The following LRRC4C variants were observed in gnomAD, a reference collection of about 807,000 sequenced individuals.
LRRC4C encodes leucine rich repeat containing 4C, also known as leucine-rich repeat-containing protein 4C.
A neutral mutation model predicts 33.6 loss-of-function variants in LRRC4C; 5 were observed. The observed-to-expected ratio is 0.15, with a 90% CI of 0.08 to 0.31. The LOEUF is 0.31. LRRC4C is among the 10% of genes least tolerant of loss of function. LRRC4C has a pLI of 1.00. For missense variants in LRRC4C, 560 were observed against 796.7 expected (o/e 0.70, Z 3.58); for synonymous variants, 329 against 302.0 (o/e 1.09, Z -0.93).
At chr11:40,880,239 G>T (rs1955101148) in intron 2 of LRRC4C, among the ~76,000 whole-genome samples, 1 of 152,042 alleles carries the variant, frequency 6.6e-6, no homozygotes, top group Non-Finnish European at 1.5e-5. Flanking sequence ...GTACCAATAA[G>T]CTGAGTCCAG....
At chr11:40,551,056 C>T (rs1264077062) in intron 3 of LRRC4C, among the ~76,000 whole-genome samples, 1 of 152,086 alleles carries the variant, frequency 6.6e-6, no homozygotes, top group African/African-American at 2.4e-5. Flanking sequence ...CACCTCTTCC[C>T]AGTCAGGTTT....
chr11:40,319,145 C>G (rs1351999823), intron 4 of LRRC4C, among the ~76,000 whole-genome samples: 1 of 152,168 alleles, frequency 6.6e-6, no homozygotes, highest in South Asian at 2.1e-4. Context: ...ATGAAGGAAA[C>G]TCCATTATAG....
chr11:41,405,013 A>G (rs1591444274), intron 1 of LRRC4C, among the ~76,000 whole-genome samples: 2 of 152,124 alleles, frequency 1.3e-5, no homozygotes, highest in South Asian at 2.1e-4. Flanking sequence ...CAGTGTCTTA[A>G]TATCTCTATC....
intron 1 of LRRC4C, among the ~76,000 whole-genome samples, chr11:41,261,705 A>G (rs1485049669): frequency 6.6e-6 from 1 of 152,156 alleles, no homozygotes; most frequent in Non-Finnish European, 1.5e-5. Context: ...GAGATTAGAC[A>G]TCTTGTCTGA....
intron 2 of LRRC4C, among the ~76,000 whole-genome samples, chr11:40,880,314 T>C (rs1959192750): frequency 6.6e-6 from 1 of 152,056 alleles, no homozygotes; most frequent in Non-Finnish European, 1.5e-5. Flanking sequence ...CCCCGGTAAA[T>C]AATAAAATGA....
At chr11:41,109,242 G>C (rs578813) in intron 1 of LRRC4C, among the ~76,000 whole-genome samples, 19,687 of 151,952 alleles carry the variant, frequency 0.13, 1,663 homozygotes, top group African/African-American at 0.23. Context: ...TGTTAGGAAA[G>C]GTGAGATTGA....
At chr11:40,329,589 AT>A (rs1946256779) in intron 3 of LRRC4C, among the ~76,000 whole-genome samples, 1 of 152,174 alleles carries the variant, frequency 6.6e-6, no homozygotes, top group South Asian at 2.1e-4. Context: ...AGGAAATGTA[AT>A]TTCAGCTCAA....
intron 3 of LRRC4C, among the ~76,000 whole-genome samples, chr11:40,376,143 T>A (rs1451314903): frequency 6.6e-6 from 1 of 152,192 alleles, no homozygotes; most frequent in Non-Finnish European, 1.5e-5. Context: ...TAGCTTTTCA[T>A]ATCCATGTTC....
At chr11:41,054,798 A>AAAGCAGATATGAGAAAT (rs1305423016) in intron 1 of LRRC4C, among the ~76,000 whole-genome samples, 1 of 152,198 alleles carries the variant, frequency 6.6e-6, no homozygotes, top group Non-Finnish European at 1.5e-5. Flanking sequence ...GTCCAGAAGA[A>AAAGCAGATATGAGAAAT]AAGCAGATAT....
chr11:40,634,209 T>C (rs1372078562), intron 3 of LRRC4C, among the ~76,000 whole-genome samples: 1 of 152,220 alleles, frequency 6.6e-6, no homozygotes, highest in African/African-American at 2.4e-5. Flanking sequence ...AAGTGGTTCT[T>C]TCAATAATGA....
intron 1 of LRRC4C, among the ~76,000 whole-genome samples, chr11:41,011,696 T>C (rs978181847): frequency 1.3e-5 from 2 of 151,746 alleles, no homozygotes; most frequent in African/African-American, 4.8e-5. Context: ...GTAATGGTTA[T>C]GGAGTCACTA....
At chr11:40,255,336 G>C (rs1867119814) in intron 4 of LRRC4C, among the ~76,000 whole-genome samples, 1 of 152,096 alleles carries the variant, frequency 6.6e-6, no homozygotes, top group East Asian at 1.9e-4. Flanking sequence ...ACTGAGTGTG[G>C]AGCAAGCCTG....
intron 1 of LRRC4C, among the ~76,000 whole-genome samples, chr11:41,313,228 T>C (rs1950692217): frequency 6.6e-6 from 1 of 152,204 alleles, no homozygotes; most frequent in African/African-American, 2.4e-5. Context: ...CCACTTCTCC[T>C]TCCTCAACAT....
At chr11:40,630,543 C>A (rs1483874382) in intron 3 of LRRC4C, among the ~76,000 whole-genome samples, 1 of 151,884 alleles carries the variant, frequency 6.6e-6, no homozygotes, top group African/African-American at 2.4e-5. Context: ...AAAACATGTT[C>A]TCTCATTATC....
At chr11:40,144,476 A>G (rs907738662) in intron 5 of LRRC4C, among the ~76,000 whole-genome samples, 3 of 152,198 alleles carry the variant, frequency 2.0e-5, no homozygotes, top group East Asian at 3.8e-4. Context: ...ACTTGGGAAA[A>G]TATAAAACAA....
chr11:41,081,553 A>C (rs571739952), intron 1 of LRRC4C, among the ~76,000 whole-genome samples: 19 of 152,286 alleles, frequency 1.2e-4, no homozygotes, highest in African/African-American at 4.3e-4. Flanking sequence ...TATGTTAAGA[A>C]CAACCTTGGT....
At chr11:41,431,387 C>T (rs549066171) in intron 1 of LRRC4C, among the ~76,000 whole-genome samples, 4 of 151,932 alleles carry the variant, frequency 2.6e-5, no homozygotes, top group Non-Finnish European at 5.9e-5. Context: ...AAGAGATCTT[C>T]CTTCCTTAGG....
At chr11:41,176,082 A>G (rs1332209624) in intron 1 of LRRC4C, among the ~76,000 whole-genome samples, 1 of 152,216 alleles carries the variant, frequency 6.6e-6, no homozygotes, top group Non-Finnish European at 1.5e-5. Flanking sequence ...AACTAAAACT[A>G]AAAGTCATTA....
intron 3 of LRRC4C, among the ~76,000 whole-genome samples, chr11:40,430,794 G>A (rs1950890816): frequency 6.6e-6 from 1 of 151,794 alleles, no homozygotes; most frequent in South Asian, 2.1e-4. Flanking sequence ...CATGTCCTTT[G>A]TAGGGACATG....
Sources: allele counts gnomAD v4.1 joint callset (sites outside exome capture counted in the v4.1 genomes callset), GRCh38; gene constraint gnomAD v4.1.1; transcripts MANE v1.5; gene names NCBI Gene and HGNC (gene_info 2026-07-23, HGNC 2026-07-21).